Variants in FAT1 observed in about 807,000 individuals in gnomAD.
FAT1 encodes the protein FAT atypical cadherin 1, also known as protocadherin Fat 1.
FAT1 carries 171 observed loss-of-function variants against 329.8 expected under a neutral mutation model. That is an observed-to-expected ratio of 0.52 (90% CI 0.46 to 0.59). FAT1 has a LOEUF of 0.59. FAT1 is among the 20% of genes least tolerant of loss of function. FAT1 has a pLI of 0.00. For missense variants in FAT1, 5,672 were observed against 5,774.4 expected, an observed-to-expected ratio of 0.98 and a Z score of 0.57; for synonymous variants, 2,233 against 2,228.6, an observed-to-expected ratio of 1.00 and a Z score of -0.06.
intron 13 of FAT1, 110 bp from the exon 14 acceptor site, chr4:186,611,885 G>A (rs1187998814): frequency 4.0e-5 from 32 of 799,384 alleles, no homozygotes; most frequent in South Asian, 7.5e-5. Flanking sequence ...GTGCAGTGGC[G>A]TGATCTTGGC....
Position 186,620,272 on chromosome 4 carries a change from G to A in FAT1, c.6314C>T (p.Ala2105Val), listed in dbSNP as rs2126514030. ...EVGHVIRYVT[A>V]VDRDSGRNGE... The stretch of plus-strand genomic sequence containing the variant: ...GTTTCTGCCACTGTCTCTGTCTACA[G>A]CAGTGACATAGCGAATGACATGGCC... The change falls in exon 10 of 27, where the codon GCT (alanine) becomes GTT (valine). Residue 2105 changes from alanine to valine, a missense_variant. Physicochemically the swap from Ala to Val is moderately conservative, Grantham distance 64. This residue lies in a region of FAT1 where 3,966 missense variants were observed against 3,915.2 expected (regional missense o/e 1.01). Coordinates refer to ENST00000441802, the MANE Select transcript of FAT1 (RefSeq NM_005245.4). 6.2e-7 allele frequency: 1 copy of A among 1,614,000 alleles called. No individual in the cohort carries two copies. The highest frequency in any genetic ancestry group is 1.1e-5 in the South Asian group (1 of 91,082).
At chr4:186,711,107 G>C (rs1444757256) in intron 1 of FAT1, among the ~76,000 whole-genome samples, 2 of 152,198 alleles carry the variant, frequency 1.3e-5, no homozygotes, top group African/African-American at 4.8e-5. Context: ...GGTAAATGAA[G>C]AGCAAACTGG....
At chr4:186,720,165 A>G (rs957809735) in intron 1 of FAT1, among the ~76,000 whole-genome samples, 1 of 152,246 alleles carries the variant, frequency 6.6e-6, no homozygotes, top group African/African-American at 2.4e-5. Context: ...AAGTAATGTA[A>G]CATCTTGACC....
chr4:186,711,636 G>A (rs1265198084), intron 1 of FAT1, among the ~76,000 whole-genome samples: 1 of 152,264 alleles, frequency 6.6e-6, no homozygotes, highest in Non-Finnish European at 1.5e-5. Flanking sequence ...CATATAAAGA[G>A]GCTGGTCACG....
rs1451021251 is a variant in FAT1, at chr4:186,597,193, A to T, written c.12369-22T>A. 3.8e-6 allele frequency: 6 copies of T among 1,576,190 alleles called. No homozygotes were observed. The South Asian group carries it at 7.2e-5, about 19-fold the overall frequency. On this transcript the variant is annotated intron_variant, in intron 24 of 26. Coordinates refer to ENST00000441802, the MANE Select transcript of FAT1 (RefSeq NM_005245.4). ...ACACCTGCCAAGGAAGTCAGGAATG[A>T]GGAGAGACCTCTGTAGCATACGCCA...
intron 2 of FAT1, among the ~76,000 whole-genome samples, chr4:186,686,781 T>C (rs1415438977): frequency 6.6e-6 from 1 of 152,192 alleles, no homozygotes; most frequent in South Asian, 2.1e-4. Flanking sequence ...AGTCTATCTG[T>C]TTGGATCCAA....
intron 6 of FAT1, 129 bp from the exon 7 acceptor site, chr4:186,633,952 C>G (rs879863502): frequency 1.2e-5 from 11 of 948,228 alleles, no homozygotes; most frequent in Non-Finnish European, 1.5e-5. Context: ...CAAGGAGGAG[C>G]ATTTTGAAAG....
At chr4:186,682,387 T>C (rs1560989284) in intron 2 of FAT1, among the ~76,000 whole-genome samples, 1 of 151,806 alleles carries the variant, frequency 6.6e-6, no homozygotes, top group East Asian at 1.9e-4. Context: ...ATTAGCCAGG[T>C]GTGCTGGCAT....
chr4:186,603,095 T>G, intron 19 of FAT1, 61 bp from the exon 20 acceptor site: 2 of 1,611,222 alleles, frequency 1.2e-6, no homozygotes, highest in Non-Finnish European at 1.7e-6. Flanking sequence ...GAACATCACC[T>G]TTCATGTATA....
intron 3 of FAT1, among the ~76,000 whole-genome samples, chr4:186,647,672 G>A (rs78863405): frequency 3.3e-5 from 5 of 152,072 alleles, no homozygotes; most frequent in Admixed American, 6.5e-5. Flanking sequence ...CTGCAGGCAC[G>A]CACTTCAGAT....
chr4:186,679,610 A>T (rs1743120239), intron 2 of FAT1, among the ~76,000 whole-genome samples: 1 of 152,036 alleles, frequency 6.6e-6, no homozygotes, highest in Non-Finnish European at 1.5e-5. Context: ...ATGGGAAAAA[A>T]AAAAACATAG....
intron 8 of FAT1, 53 bp from the exon 9 acceptor site, chr4:186,628,417 T>C (rs1351564963): frequency 1.1e-5 from 17 of 1,609,274 alleles, no homozygotes; most frequent in Admixed American, 1.7e-5. Context: ...TTATAACTAA[T>C]TAAAAATCAC....
Position 186,618,907 on chromosome 4 carries a change from G to A in FAT1, c.7679C>T (p.Ala2560Val), listed in dbSNP as rs530048131. The change falls in exon 10 of 27, where the codon GCG becomes GTG. Residue 2560 changes from alanine to valine, a missense_variant. Around this residue, in one of 2 missense-constraint regions of FAT1, gnomAD observed 3,966 missense variants for 3,915.2 expected, o/e 1.01. Coordinates refer to ENST00000441802, the MANE Select transcript of FAT1 (RefSeq NM_005245.4). ...TLEKLDRETP[A>V]EKVISVRLMA... Reference sequence around the variant, plus strand: ...TAAACGGACTGAGATCACTTTCTCCGCCGGGGTTTCTCGATCAAGTTTTTC... The same window carrying A: ...TAAACGGACTGAGATCACTTTCTCCACCGGGGTTTCTCGATCAAGTTTTTC... 2.1e-5 allele frequency: 34 copies of A among 1,613,910 alleles called. 1 individual carries two copies. Among genetic ancestry groups the A allele is most frequent in the South Asian group, 1.9e-4 (17 of 91,082 alleles).
intron 3 of FAT1, among the ~76,000 whole-genome samples, chr4:186,641,235 A>G (rs1436634924): frequency 1.3e-5 from 2 of 152,240 alleles, no homozygotes; most frequent in African/African-American, 4.8e-5. Context: ...GGGCAACAGA[A>G]GGCTATATCA....
intron 2 of FAT1, among the ~76,000 whole-genome samples, chr4:186,674,718 G>A (rs1407839410): frequency 1.3e-5 from 2 of 152,204 alleles, no homozygotes; most frequent in African/African-American, 2.4e-5. Flanking sequence ...GGAAGTTACT[G>A]TGTTTATCAT....
In FAT1 at chr4:186,597,102, G is replaced by T. The variant is rs760747643; in HGVS notation, c.12438C>A (p.His4146Gln). ...CLHGALCENT[H>Q]GSYHCNCSHE... The stretch of plus-strand genomic sequence containing the variant: ...GGCTGCAGTTGCAGTGATAGGAGCC[G>T]TGCGTGTTCTCACAGAGGGCCCCGT... The change falls in exon 25 of 27, where the codon CAC (histidine) becomes CAA (glutamine). Residue 4146 changes from histidine (H) to glutamine (Q), a missense_variant. This residue lies in a region of FAT1 where 1,706 missense variants were observed against 1,859.1 expected (regional missense o/e 0.92). Coordinates refer to ENST00000441802, the MANE Select transcript of FAT1 (RefSeq NM_005245.4). 3.1e-5 allele frequency: 50 copies of T among 1,613,980 alleles called. No individual in the cohort carries two copies. The East Asian group carries it at 1.1e-3, about 35-fold the overall frequency.
At chr4:186,621,814 CA>C (rs1269667575) in intron 9 of FAT1, 39 bp from the exon 10 acceptor site, 2 of 1,304,358 alleles carry the variant, frequency 1.5e-6, no homozygotes, top group African/African-American at 3.0e-5. Context: ...CAGAAAAACA[CA>C]AGGGGCAGTA....
At chr4:186,612,660 G>A (rs1017335014) in intron 13 of FAT1, among the ~76,000 whole-genome samples, 24 of 152,168 alleles carry the variant, frequency 1.6e-4, no homozygotes, top group African/African-American at 5.5e-4. Flanking sequence ...TGGTATGACT[G>A]AAGAAGTTAT....
In FAT1 at chr4:186,617,577, G is replaced by A. The variant is rs185216465; in HGVS notation, c.8878+131C>T. 1.2e-3 allele frequency: 886 copies of A among 735,892 alleles called. 2 individuals carry two copies. Among genetic ancestry groups the A allele is most frequent in the Middle Eastern group, 7.4e-3 (19 of 2,554 alleles). The allele number at this position is 735,892 out of a possible 1,614,324, so 45.6% of individuals were successfully genotyped here. On this transcript the variant is annotated intron_variant, in intron 10 of 26. Coordinates refer to ENST00000441802, the MANE Select transcript of FAT1 (RefSeq NM_005245.4). ...GAGGCTCAACAGATGTTATTTCTAC[G>A]TATTATTTTAGATATTTTTAACTAA... is the stretch of plus-strand genomic sequence containing the variant.
Sources: gnomAD v4.1 joint callset for allele counts (sites outside exome capture counted in the v4.1 genomes callset) on GRCh38, gnomAD v4.1.1 for gene constraint, gnomAD v4.1.1 regional missense constraint, MANE v1.5 for transcripts, NCBI Gene and HGNC (gene_info 2026-07-23, HGNC 2026-07-21) for gene names.